Variants in COL4A6 observed in about 807,000 individuals in gnomAD.
The protein encoded by COL4A6 is collagen alpha-6(IV) chain.
In COL4A6, 59 loss-of-function variants were observed where a neutral mutation model predicts 126.7. The observed-to-expected ratio is 0.47, with a 90% CI of 0.38 to 0.58. COL4A6 has a LOEUF of 0.58. COL4A6 is among the 20% of genes least tolerant of loss of function. The probability of loss-of-function intolerance (pLI) is 0.00; values close to 1 mark genes in which losing one functional copy is unlikely to be tolerated. For synonymous variants in COL4A6, 547 were observed against 496.6 expected (o/e 1.10, Z -1.35); for missense variants, 1,285 against 1,337.3 (o/e 0.96, Z 0.61).
At chrX:108,299,975 T>A (rs1182610071) in intron 3 of COL4A6, among the ~76,000 whole-genome samples, 2 of 111,848 alleles carry the variant, frequency 1.8e-5, no homozygotes, top group Non-Finnish European at 3.8e-5. Flanking sequence ...GCCTTATACT[T>A]ATAACCCCCA....
chrX:108,386,893 T>C (rs1266852834), intron 2 of COL4A6, among the ~76,000 whole-genome samples: 2 of 112,019 alleles, frequency 1.8e-5, no homozygotes, highest in Non-Finnish European at 3.8e-5. Context: ...AATTTTTGTA[T>C]AAGGTGTAAG....
chrX:108,210,194 A>G (rs1228206628), intron 7 of COL4A6, among the ~76,000 whole-genome samples, 190 bp from the exon 8 acceptor site: 5 of 112,742 alleles, frequency 4.4e-5, no homozygotes, highest in African/African-American at 1.3e-4. Context: ...TTTTTCTGTA[A>G]GAAAAATCTG....
chrX:108,370,700 G>A (rs766990524), intron 2 of COL4A6, among the ~76,000 whole-genome samples: 1 of 110,698 alleles, frequency 9.0e-6, no homozygotes, highest in East Asian at 2.8e-4. Flanking sequence ...CAAACTCTGG[G>A]CTGCTGCTGT....
intron 3 of COL4A6, among the ~76,000 whole-genome samples, chrX:108,243,783 G>A (rs1208232963): frequency 8.9e-6 from 1 of 111,756 alleles, no homozygotes; most frequent in African/African-American, 3.3e-5. Flanking sequence ...ACATACCCAT[G>A]CATCACTCAT....
intron 30 of COL4A6, 95 bp from the exon 31 acceptor site, chrX:108,174,716 G>T (rs2034424395): frequency 1.3e-6 from 1 of 753,990 alleles, no homozygotes; most frequent in Non-Finnish European, 1.9e-6. Context: ...GCCAAGTGCA[G>T]GCTCAGGGAG....
intron 23 of COL4A6, among the ~76,000 whole-genome samples, chrX:108,184,425 G>A (rs1019878761): frequency 9.0e-6 from 1 of 111,679 alleles, no homozygotes; most frequent in African/African-American, 3.3e-5. Context: ...GCTTCTGAGA[G>A]GTAATTAGGT....
chrX:108,333,186 T>C (rs2039348323), intron 2 of COL4A6, among the ~76,000 whole-genome samples: 1 of 111,471 alleles, frequency 9.0e-6, no homozygotes, highest in African/African-American at 3.3e-5. Flanking sequence ...CACTAATCTA[T>C]GTGTCTATTT....
At chrX:108,348,586 A>G (rs1274031415) in intron 2 of COL4A6, among the ~76,000 whole-genome samples, 1 of 112,328 alleles carries the variant, frequency 8.9e-6, no homozygotes, top group African/African-American at 3.2e-5. Flanking sequence ...AAAACAAAAT[A>G]AAAACAAACA....
chrX:108,374,476 C>A (rs912344332), intron 2 of COL4A6, among the ~76,000 whole-genome samples: 1 of 111,801 alleles, frequency 8.9e-6, no homozygotes, highest in Non-Finnish European at 1.9e-5. Flanking sequence ...AGAATTGAAC[C>A]TAAAATACAG....
At chrX:108,387,738 A>G (rs1393253644) in intron 2 of COL4A6, among the ~76,000 whole-genome samples, 1 of 111,984 alleles carries the variant, frequency 8.9e-6, no homozygotes, top group Non-Finnish European at 1.9e-5. Flanking sequence ...CCTGGCCAGA[A>G]CTTCCAATAC....
intron 2 of COL4A6, among the ~76,000 whole-genome samples, chrX:108,411,033 TA>T (rs1315468550): frequency 8.9e-6 from 1 of 112,218 alleles, no homozygotes; most frequent in African/African-American, 3.2e-5. Flanking sequence ...TGTCAAAGGG[TA>T]AAACAATCAA....
chrX:108,323,586 A>G (rs952575120), intron 2 of COL4A6, among the ~76,000 whole-genome samples: 8 of 111,641 alleles, frequency 7.2e-5, no homozygotes, highest in Non-Finnish European at 1.5e-4. Context: ...ATAGAAGTCT[A>G]TTTATTATTA....
intron 3 of COL4A6, among the ~76,000 whole-genome samples, chrX:108,300,903 A>C (rs1297711117): frequency 8.9e-6 from 1 of 112,119 alleles, no homozygotes. Context: ...GAAAACACAG[A>C]ACATAGTCTA....
intron 3 of COL4A6, among the ~76,000 whole-genome samples, chrX:108,261,651 GT>G (rs991773924): frequency 1.8e-5 from 2 of 111,396 alleles, no homozygotes; most frequent in Non-Finnish European, 3.8e-5. Flanking sequence ...TTGGCCAGAT[GT>G]TTTCATCATC....
chrX:108,196,384 C>T (rs912027485), intron 14 of COL4A6, 127 bp downstream of exon 14: 11 of 565,645 alleles, frequency 1.9e-5, no homozygotes, highest in East Asian at 3.3e-5. Context: ...TAGGAACCTG[C>T]CATTGGGTTG....
At chrX:108,320,448 T>C (rs1160305234) in intron 2 of COL4A6, among the ~76,000 whole-genome samples, 3 of 111,178 alleles carry the variant, frequency 2.7e-5, no homozygotes, top group Non-Finnish European at 5.7e-5. Context: ...GTCAAGGGTA[T>C]ATGGAAAGAA....
intron 2 of COL4A6, among the ~76,000 whole-genome samples, chrX:108,390,523 G>T (rs2040812627): frequency 9.3e-6 from 1 of 107,454 alleles, no homozygotes; most frequent in South Asian, 4.1e-4. Flanking sequence ...GATCATTCTG[G>T]CTGTTGATAC....
chrX:108,404,748 T>C (rs1355241267), intron 2 of COL4A6, among the ~76,000 whole-genome samples: 1 of 111,843 alleles, frequency 8.9e-6, no homozygotes, highest in Non-Finnish European at 1.9e-5. Flanking sequence ...ATTTCTCCTC[T>C]ATTCTTTCAT....
chrX:108,160,494 C>G lies in COL4A6; in HGVS notation c.4494G>C (p.Glu1498Asp), dbSNP rs779358444. 2 of 1,206,003 alleles carry G rather than the reference C, an allele frequency of 1.7e-6. No homozygotes were observed. Among genetic ancestry groups the G allele is most frequent in the African/African-American group, 1.8e-5 (1 of 57,140 alleles). Residue 1498 changes from glutamate to aspartate, a missense_variant, in exon 43 of 45, where the codon GAG becomes GAC. By Grantham distance (45) the Glu-to-Asp change is conservative (BLOSUM62 2). Coordinates refer to ENST00000334504, the MANE Select transcript of COL4A6 (RefSeq NM_033641.4). ...CCTGGTTGTGGGCTTTCTCTTGCCCCTCCACAAACAGTAAGCTGTACCCCA... is the reference window on the plus strand; with the variant it reads ...CCTGGTTGTGGGCTTTCTCTTGCCCGTCCACAAACAGTAAGCTGTACCCCA... ...LWVGYSLLFVEGQEKAHNQDL... is the reference protein window; with the variant it reads ...LWVGYSLLFVDGQEKAHNQDL...
Sources: allele counts gnomAD v4.1 joint callset (sites outside exome capture counted in the v4.1 genomes callset), GRCh38; gene constraint gnomAD v4.1.1; transcripts MANE v1.5; gene names NCBI Gene and HGNC (gene_info 2026-07-23, HGNC 2026-07-21).